Variants in AMPH observed in about 807,000 individuals in gnomAD.
AMPH encodes the protein amphiphysin (Stiff-Mann syndrome with breast cancer 128kD autoantigen).
In AMPH, 49 loss-of-function variants were observed where a neutral mutation model predicts 99.1. That is an observed-to-expected ratio of 0.49 (90% CI 0.39 to 0.63). The LOEUF is 0.63. Among genes scored for constraint, AMPH ranks in the 20% least tolerant of loss-of-function variants. AMPH has a pLI of 0.00. For synonymous variants in AMPH, 314 were observed against 317.3 expected, an observed-to-expected ratio of 0.99 and a Z score of 0.11; for missense variants, 759 against 863.4, an observed-to-expected ratio of 0.88 and a Z score of 1.52.
intron 17 of AMPH, among the ~76,000 whole-genome samples, chr7:38,409,989 A>T (rs1004478164): frequency 2.6e-5 from 4 of 152,204 alleles, no homozygotes; most frequent in African/African-American, 9.7e-5. Context: ...TCTCTCTCAG[A>T]GATGAGGAGA....
chr7:38,460,709 G>T (rs1044373179), intron 11 of AMPH, among the ~76,000 whole-genome samples: 1 of 152,154 alleles, frequency 6.6e-6, no homozygotes, highest in South Asian at 2.1e-4. Flanking sequence ...AGGATGTGTG[G>T]GTGGAAGGAG....
chr7:38,511,225 A>G (rs142518353), intron 2 of AMPH, among the ~76,000 whole-genome samples: 22 of 152,288 alleles, frequency 1.4e-4, no homozygotes, highest in Non-Finnish European at 2.4e-4. Context: ...TAAATGATAA[A>G]TTATGCAAAG....
chr7:38,609,655 C>T (rs1391789237), intron 1 of AMPH, among the ~76,000 whole-genome samples: 1 of 152,134 alleles, frequency 6.6e-6, no homozygotes, highest in Non-Finnish European at 1.5e-5. Flanking sequence ...ATGATCTCAA[C>T]TTGTAAAATT....
intron 5 of AMPH, among the ~76,000 whole-genome samples, chr7:38,486,773 A>G (rs1219493758): frequency 6.6e-6 from 1 of 152,164 alleles, no homozygotes; most frequent in Admixed American, 6.5e-5. Flanking sequence ...ATGGTTTAAC[A>G]TATGAGAATC....
At chr7:38,452,319 T>A (rs111295399) in intron 11 of AMPH, among the ~76,000 whole-genome samples, 8 of 152,236 alleles carry the variant, frequency 5.3e-5, no homozygotes, top group African/African-American at 1.9e-4. Flanking sequence ...GCTATATGTG[T>A]CAGAGAAAAC....
At chr7:38,431,422 C>T (rs1786019396) in intron 13 of AMPH, among the ~76,000 whole-genome samples, 1 of 152,236 alleles carries the variant, frequency 6.6e-6, no homozygotes, top group South Asian at 2.1e-4. Flanking sequence ...CTTTGGGAGG[C>T]CGAGGCGGGC....
At chr7:38,406,694 T>C (rs1374059400) in intron 17 of AMPH, among the ~76,000 whole-genome samples, 1 of 147,606 alleles carries the variant, frequency 6.8e-6, no homozygotes, top group African/African-American at 2.5e-5. Flanking sequence ...GCTTGCTTGC[T>C]CTGAGTTCTC....
intron 11 of AMPH, among the ~76,000 whole-genome samples, chr7:38,458,513 C>G (rs557917848): frequency 6.6e-6 from 1 of 152,074 alleles, no homozygotes; most frequent in Non-Finnish European, 1.5e-5. Flanking sequence ...TGACACACCA[C>G]GACCAAGTGG....
At chr7:38,396,959 G>A (rs564310978) in intron 17 of AMPH, among the ~76,000 whole-genome samples, 66 of 152,308 alleles carry the variant, frequency 4.3e-4, no homozygotes, top group African/African-American at 1.4e-3. Context: ...TAGAAAATAA[G>A]TTGTGTCATG....
chr7:38,475,475 C>T, intron 6 of AMPH, 59 bp from the exon 7 acceptor site: 1 of 1,103,124 alleles, frequency 9.1e-7, no homozygotes, highest in Non-Finnish European at 1.4e-6. Flanking sequence ...TACACAACAG[C>T]ATCATTTAAT....
intron 17 of AMPH, among the ~76,000 whole-genome samples, chr7:38,398,660 T>G (rs982945694): frequency 6.6e-6 from 1 of 152,146 alleles, no homozygotes; most frequent in Non-Finnish European, 1.5e-5. Flanking sequence ...AACAATAACT[T>G]ATTGTACATT....
intron 1 of AMPH, among the ~76,000 whole-genome samples, chr7:38,627,630 G>C (rs1160966859): frequency 6.9e-6 from 1 of 144,720 alleles, no homozygotes; most frequent in African/African-American, 2.6e-5. Context: ...ACTCCAGCCT[G>C]GGTGACAGAG....
chr7:38,459,992 T>TA (rs535502971), intron 11 of AMPH, among the ~76,000 whole-genome samples: 1 of 151,338 alleles, frequency 6.6e-6, no homozygotes, highest in Non-Finnish European at 1.5e-5. Flanking sequence ...ACTCAATAAT[T>TA]AAAAAAACAA....
At chr7:38,399,591 T>C (rs183322654) in intron 17 of AMPH, among the ~76,000 whole-genome samples, 92 of 152,352 alleles carry the variant, frequency 6.0e-4, no homozygotes, top group African/African-American at 2.1e-3. Context: ...TTGTTAGCTA[T>C]TTGTAGAGCT....
At chr7:38,410,250 G>C (rs552421005) in intron 17 of AMPH, among the ~76,000 whole-genome samples, 1 of 152,294 alleles carries the variant, frequency 6.6e-6, no homozygotes, top group South Asian at 2.1e-4. Context: ...CCAGAGACTA[G>C]ACTGAGAAAC....
chr7:38,488,224 C>T lies in AMPH; in HGVS notation c.396+2826G>A, dbSNP rs4407777. 8.4e-3 allele frequency among the ~76,000 whole-genome samples: 1,282 copies of T among 152,208 alleles called. 20 individuals carry two copies. The highest frequency in any genetic ancestry group is 0.027 in the African/African-American group (1,115 of 41,496). ...ATTCTACAATAAAGACACATGCACA[C>T]GTATGTTTATTGCAGTGCTATTCAC... On this transcript the variant is annotated intron_variant, in intron 5 of 20. Coordinates refer to ENST00000356264, the MANE Select transcript of AMPH (RefSeq NM_001635.4).
At chr7:38,478,801 A>G (rs1382186225) in intron 5 of AMPH, among the ~76,000 whole-genome samples, 1 of 152,154 alleles carries the variant, frequency 6.6e-6, no homozygotes, top group Non-Finnish European at 1.5e-5. Flanking sequence ...AAACACTAGA[A>G]ATTTTAAAAA....
intron 17 of AMPH, 49 bp from the exon 18 acceptor site, chr7:38,394,263 G>A (rs1242605508): frequency 1.3e-6 from 2 of 1,591,216 alleles, no homozygotes; most frequent in Non-Finnish European, 1.7e-6. Context: ...ATGGGCCTCT[G>A]CCAGGAGTCA....
intron 1 of AMPH, among the ~76,000 whole-genome samples, chr7:38,599,080 C>T (rs1289593523): frequency 6.6e-6 from 1 of 152,158 alleles, no homozygotes; most frequent in Non-Finnish European, 1.5e-5. Flanking sequence ...ACTTAAGTTA[C>T]TTAACATAAA....
Sources: allele counts gnomAD v4.1 joint callset (sites outside exome capture counted in the v4.1 genomes callset), GRCh38; gene constraint gnomAD v4.1.1; transcripts MANE v1.5; gene names NCBI Gene and HGNC (gene_info 2026-07-23, HGNC 2026-07-21).